The following CNTN6 variants were observed in gnomAD, a reference collection of about 807,000 sequenced individuals.
CNTN6 encodes the protein contactin-6.
A neutral mutation model predicts 122.8 loss-of-function variants in CNTN6; 137 were observed. That is an observed-to-expected ratio of 1.12 (90% CI 0.97 to 1.29). The LOEUF (loss-of-function observed/expected upper bound fraction) is 1.29. Ranked by LOEUF, CNTN6 falls within the 50% of genes most tolerant of loss-of-function variation. CNTN6 has a pLI of 0.00. For synonymous variants in CNTN6, 570 were observed against 426.0 expected (o/e 1.34, Z -4.16); for missense variants, 1,634 against 1,223.4 (o/e 1.34, Z -5.01).
intron 4 of CNTN6, among the ~76,000 whole-genome samples, chr3:1,260,602 G>A (rs1559638358): frequency 1.3e-5 from 2 of 152,028 alleles, no homozygotes; most frequent in Non-Finnish European, 2.9e-5. Flanking sequence ...TGGTTTGGCT[G>A]TGTCCCTGCC....
intron 4 of CNTN6, among the ~76,000 whole-genome samples, chr3:1,245,225 T>A (rs1393124775): frequency 5.8e-5 from 1 of 17,242 alleles, no homozygotes; most frequent in Non-Finnish European, 1.0e-4. Context: ...TATATATATA[T>A]ATATATATAT....
At chr3:1,330,653 G>C (rs750196677) in intron 11 of CNTN6, among the ~76,000 whole-genome samples, 1 of 151,790 alleles carries the variant, frequency 6.6e-6, no homozygotes, top group Non-Finnish European at 1.5e-5. Flanking sequence ...TAATGTGAAC[G>C]AGCCATTGTG....
chr3:1,312,902 A>C (rs1214459665), intron 7 of CNTN6, among the ~76,000 whole-genome samples: 1 of 151,954 alleles, frequency 6.6e-6, no homozygotes, highest in African/African-American at 2.4e-5. Flanking sequence ...AAATGTGAAC[A>C]ACTGTAATCG....
rs564101191 is a variant in CNTN6 at position 1,196,179 on chromosome 3, G to T, written c.56-24508G>T. The stretch of plus-strand genomic sequence containing the variant: ...CATTGCTTAACAGCATTTGGCATTT[G>T]CTCAGGCTGAGCATTCATCGTGAGA... On this transcript the variant is annotated intron_variant, in intron 2 of 22. Transcript: ENST00000446702. Among the ~76,000 whole-genome samples the T allele has an allele frequency of 3.9e-5, 6 of 152,326 alleles. No homozygotes were observed. The East Asian group carries it at 1.2e-3, about 29-fold the overall frequency.
chr3:1,161,921 T>G (rs768249586), intron 2 of CNTN6, among the ~76,000 whole-genome samples: 40 of 151,598 alleles, frequency 2.6e-4, no homozygotes, highest in Non-Finnish European at 5.1e-4. Flanking sequence ...TAGATTTTGA[T>G]ATTTTATTTT....
rs899348084 is a variant in CNTN6, at chr3:1,256,110, A to T, written c.359-22303A>T. The stretch of plus-strand genomic sequence containing the variant: ...AGTTTTGAACTCCTGGGTTCAAATG[A>T]TCCTTCTGTCGTGGTCTCCTAAAGT... On this transcript the variant is annotated intron_variant, in intron 4 of 22. Transcript: ENST00000446702. Among the ~76,000 whole-genome samples, 10 of 152,076 alleles carry T rather than the reference A, an allele frequency of 6.6e-5. 1 individual carries two copies. Among genetic ancestry groups the T allele is most frequent in the Admixed American group, 3.3e-4 (5 of 15,246 alleles).
intron 4 of CNTN6, among the ~76,000 whole-genome samples, chr3:1,255,565 C>G (rs557771653): frequency 6.6e-6 from 1 of 152,000 alleles, no homozygotes; most frequent in Non-Finnish European, 1.5e-5. Context: ...GAATTGTATC[C>G]TAGGAACAGT....
At chr3:1,202,545 AATAAATAAATAAAT>A (rs1438422139) in intron 2 of CNTN6, among the ~76,000 whole-genome samples, 24 of 70,462 alleles carry the variant, frequency 3.4e-4, no homozygotes, top group African/African-American at 7.7e-4. Flanking sequence ...CGTCTCAAAA[AATAAATAAATAAAT>A]AAATAAATAA....
chr3:1,187,195 G>T (rs1012444792), intron 2 of CNTN6, among the ~76,000 whole-genome samples: 5 of 151,938 alleles, frequency 3.3e-5, no homozygotes, highest in Non-Finnish European at 5.9e-5. Context: ...CTTCCTTTGG[G>T]AGGCAAGCAA....
chr3:1,095,712 TAAAC>T (rs1272900783), intron 1 of CNTN6, among the ~76,000 whole-genome samples: 1 of 152,190 alleles, frequency 6.6e-6, no homozygotes. Context: ...GTTTAAATAG[TAAAC>T]AAACTTTTAT....
At chr3:1,278,368 C>T (rs1440467316) in intron 4 of CNTN6, 45 bp from the exon 5 acceptor site, 1 of 1,266,038 alleles carries the variant, frequency 7.9e-7, no homozygotes, top group South Asian at 1.3e-5. Context: ...AATATTTATT[C>T]TGCAAAGTAA....
At chr3:1,231,813 C>A (rs1308743053) in intron 4 of CNTN6, among the ~76,000 whole-genome samples, 1 of 152,224 alleles carries the variant, frequency 6.6e-6, no homozygotes, top group Non-Finnish European at 1.5e-5. Flanking sequence ...CCAACCCAAA[C>A]TCTACCCTAA....
chr3:1,360,105 T>C (rs1376303836), intron 12 of CNTN6, among the ~76,000 whole-genome samples: 1 of 152,098 alleles, frequency 6.6e-6, no homozygotes, highest in Non-Finnish European at 1.5e-5. Flanking sequence ...ATTTTTTTAA[T>C]CTTTCATGTT....
intron 4 of CNTN6, among the ~76,000 whole-genome samples, chr3:1,237,785 G>A (rs2094439408): frequency 6.6e-6 from 1 of 152,062 alleles, no homozygotes; most frequent in South Asian, 2.1e-4. Flanking sequence ...CAAGAATTTT[G>A]TATCCAGTTA....
In CNTN6 at chr3:1,147,933, G is replaced by T; in HGVS notation, c.-76G>T. The T allele has an allele frequency of 9.7e-7, 1 of 1,027,164 alleles. No individual in the cohort carries two copies. The highest frequency in any genetic ancestry group is 1.5e-6 in the Non-Finnish European group (1 of 656,628). 63.6% of individuals were successfully genotyped at this position (1,027,164 alleles called of 1,614,324 possible). ...ACAATTTTGTCTTTTTCAGACTCTTGAGATACTGACTGGAAGATAGACTGT... is the reference window on the plus strand; with the variant it reads ...ACAATTTTGTCTTTTTCAGACTCTTTAGATACTGACTGGAAGATAGACTGT... On this transcript the variant is annotated 5_prime_UTR_variant, in exon 2 of 23. Transcript: ENST00000446702.
intron 2 of CNTN6, among the ~76,000 whole-genome samples, chr3:1,200,316 A>C (rs570301162): frequency 2.9e-4 from 44 of 152,298 alleles, no homozygotes; most frequent in Admixed American, 4.6e-4. Flanking sequence ...CTACAGGCGT[A>C]AGCCACCGTG....
chr3:1,400,136 A>C (rs773575268), intron 20 of CNTN6, among the ~76,000 whole-genome samples: 6 of 152,136 alleles, frequency 3.9e-5, no homozygotes, highest in Non-Finnish European at 7.4e-5. Flanking sequence ...TGTTATAATG[A>C]ATTAAATATT....
At chr3:1,157,120 G>A (rs1428329808) in intron 2 of CNTN6, among the ~76,000 whole-genome samples, 2 of 151,728 alleles carry the variant, frequency 1.3e-5, no homozygotes, top group East Asian at 1.9e-4. Flanking sequence ...ATGCATAATC[G>A]CAATAGGGAA....
chr3:1,119,446 T>C (rs2091868872), intron 1 of CNTN6, among the ~76,000 whole-genome samples: 1 of 151,740 alleles, frequency 6.6e-6, no homozygotes, highest in Non-Finnish European at 1.5e-5. Context: ...CAGATACATA[T>C]AGGTTCATAG....
Sources: gnomAD v4.1 joint callset for allele counts (sites outside exome capture counted in the v4.1 genomes callset) on GRCh38, gnomAD v4.1.1 for gene constraint, MANE v1.5 for transcripts, NCBI Gene and HGNC (gene_info 2026-07-23, HGNC 2026-07-21) for gene names.